The following NDE1 variants were observed in gnomAD, a reference collection of about 807,000 sequenced individuals.
NDE1 encodes the protein nudE neurodevelopment protein 1.
In NDE1, 28 loss-of-function variants were observed where a neutral mutation model predicts 43.4. The ratio of observed to expected loss-of-function variants is 0.65; its 90% CI spans 0.48 to 0.89. The LOEUF is 0.89. NDE1 is among the 40% of genes least tolerant of loss of function. The pLI is 0.00. For missense variants in NDE1, 441 were observed against 434.1 expected, an observed-to-expected ratio of 1.02 and a Z score of -0.14; for synonymous variants, 184 against 172.0, an observed-to-expected ratio of 1.07 and a Z score of -0.55.
At chr16:15,719,317 G>A (rs1244221356) in intron 8 of NDE1, 1 of 1,609,360 alleles carries the variant, frequency 6.2e-7, no homozygotes, top group East Asian at 2.2e-5. Flanking sequence ...TCCTAGGTGG[G>A]AGGGAGGAAG....
chr16:15,721,613 T>G, intron 8 of NDE1: 1 of 1,614,136 alleles, frequency 6.2e-7, no homozygotes, highest in Non-Finnish European at 8.5e-7. Context: ...TTGGAAGAGA[T>G]GTTTTTCTCC....
chr16:15,675,674 C>T (rs1164491118), intron 3 of NDE1, among the ~76,000 whole-genome samples: 1 of 152,036 alleles, frequency 6.6e-6, no homozygotes, highest in African/African-American at 2.4e-5. Context: ...GCAATCCTGC[C>T]TCTGCCACCT....
intron 8 of NDE1, chr16:15,708,774 A>C (rs780139983): frequency 1.3e-6 from 2 of 1,598,192 alleles, no homozygotes; most frequent in South Asian, 1.1e-5. Context: ...CTGAGACAAC[A>C]CACAGCTGCG....
intron 1 of NDE1, among the ~76,000 whole-genome samples, chr16:15,664,025 C>T (rs1332817469): frequency 1.3e-5 from 2 of 152,010 alleles, no homozygotes; most frequent in East Asian, 1.9e-4. Flanking sequence ...GCTGAGATCA[C>T]GCCACTGCAC....
chr16:15,720,413 C>A, intron 8 of NDE1: 1 of 1,465,322 alleles, frequency 6.8e-7, no homozygotes, highest in Non-Finnish European at 9.3e-7. Context: ...AGCACAGCCC[C>A]CTTGTGAGGT....
chr16:15,718,182 G>A (rs1022923149), intron 8 of NDE1: 2 of 1,438,208 alleles, frequency 1.4e-6, no homozygotes, highest in South Asian at 1.2e-5. Context: ...TCTACTCTCA[G>A]GCCCCACCAC....
chr16:15,679,222 C>T (rs1468026543), intron 4 of NDE1, among the ~76,000 whole-genome samples: 1 of 152,190 alleles, frequency 6.6e-6, no homozygotes, highest in Admixed American at 6.5e-5. Flanking sequence ...CCTGAAACTT[C>T]TGGGAGCAAG....
At chr16:15,718,895 A>G (rs2040316018) in intron 8 of NDE1, 1 of 418,436 alleles carries the variant, frequency 2.4e-6, no homozygotes, top group East Asian at 5.4e-5. Flanking sequence ...TGGGAGGCCA[A>G]GGTAGGAGGA....
At chr16:15,695,205 T>G (rs2038954784) in intron 7 of NDE1, among the ~76,000 whole-genome samples, 1 of 116,480 alleles carries the variant, frequency 8.6e-6, no homozygotes. Context: ...ACTGCCACCT[T>G]TTTTTTTTTT....
chr16:15,689,166 A>T (rs1030684350), intron 5 of NDE1, among the ~76,000 whole-genome samples: 2 of 152,186 alleles, frequency 1.3e-5, no homozygotes, highest in African/African-American at 4.8e-5. Context: ...TAATGGTTAA[A>T]ATGAACAGTA....
chr16:15,654,121 C>T (rs1422637700), intron 1 of NDE1, among the ~76,000 whole-genome samples: 1 of 152,122 alleles, frequency 6.6e-6, no homozygotes. Flanking sequence ...TTGTTCCTTG[C>T]ATGATCCCAT....
At chr16:15,656,155 G>T (rs898558811) in intron 1 of NDE1, among the ~76,000 whole-genome samples, 4 of 151,440 alleles carry the variant, frequency 2.6e-5, no homozygotes, top group African/African-American at 9.7e-5. Context: ...GAAAAAAAAA[G>T]ATTGCTGTTT....
chr16:15,680,370 T>C (rs1438091255), intron 4 of NDE1, among the ~76,000 whole-genome samples: 1 of 152,110 alleles, frequency 6.6e-6, no homozygotes, highest in Non-Finnish European at 1.5e-5. Context: ...CTTCACCCAG[T>C]CTTGTTCTGT....
chr16:15,701,724 T>C (rs2039228091), intron 8 of NDE1: 1 of 152,192 alleles, frequency 6.6e-6, no homozygotes, highest in Non-Finnish European at 1.5e-5. Flanking sequence ...GCCTTCATTT[T>C]GTTACTAAGT....
Position 15,694,272 on chromosome 16 carries a change from C to G in NDE1, c.795+16C>G, listed in dbSNP as rs370186307. ...GAAAGTCGGGGTAAGACCACACTTT[C>G]CTGGCGTTTGGTGCCTTCCTGCCTG... On this transcript the variant is annotated intron_variant, in intron 7 of 8. Transcript: ENST00000396354. 2 of 1,611,600 alleles carry G rather than the reference C, an allele frequency of 1.2e-6. No individual in the cohort carries two copies. The highest frequency in any genetic ancestry group is 2.2e-5 in the East Asian group (1 of 44,662).
intron 8 of NDE1, chr16:15,721,798 G>T: frequency 1.4e-6 from 1 of 701,350 alleles, no homozygotes; most frequent in Non-Finnish European, 2.5e-6. Flanking sequence ...CTGGCGTTCT[G>T]ACTTCTACAT....
intron 1 of NDE1, among the ~76,000 whole-genome samples, chr16:15,662,842 G>C (rs1306770359): frequency 6.6e-6 from 1 of 152,152 alleles, no homozygotes; most frequent in Non-Finnish European, 1.5e-5. Flanking sequence ...GCCTGTCAAA[G>C]TGCTGGGATT....
intron 3 of NDE1, among the ~76,000 whole-genome samples, chr16:15,668,650 A>G (rs2037437220): frequency 6.6e-6 from 1 of 152,212 alleles, no homozygotes; most frequent in African/African-American, 2.4e-5. Context: ...TGGCTGTTGA[A>G]ATTTAATGAA....
At chr16:15,687,605 G>A (rs1337653804) in intron 5 of NDE1, 94 bp downstream of exon 5, 4 of 1,218,458 alleles carry the variant, frequency 3.3e-6, no homozygotes, top group Admixed American at 3.4e-5. Context: ...ATCTTTACAG[G>A]GACCCCACAC....
Sources: gnomAD v4.1 joint callset for allele counts (sites outside exome capture counted in the v4.1 genomes callset) on GRCh38, gnomAD v4.1.1 for gene constraint, MANE v1.5 for transcripts, NCBI Gene and HGNC (gene_info 2026-07-23, HGNC 2026-07-21) for gene names.